Variants in CNTNAP2 observed in about 807,000 individuals in gnomAD.
CNTNAP2 encodes the protein contactin associated protein 2, also known as contactin-associated protein-like 2.
In CNTNAP2, 98 loss-of-function variants were observed where a neutral mutation model predicts 155.2. That is an observed-to-expected ratio of 0.63 (90% confidence interval 0.54 to 0.75). The LOEUF (loss-of-function observed/expected upper bound fraction) is 0.75, where lower values mean the gene tolerates loss of function less well. Ranked by LOEUF, CNTNAP2 falls within the 30% of genes least tolerant of loss-of-function variation. The probability of loss-of-function intolerance (pLI) is 0.00; values close to 1 mark genes in which losing one functional copy is unlikely to be tolerated. For missense variants in CNTNAP2, 1,727 were observed against 1,688.1 expected, an observed-to-expected ratio of 1.02 and a Z score of -0.40; for synonymous variants, 651 against 631.2, an observed-to-expected ratio of 1.03 and a Z score of -0.47.
chr7:147,222,983 G>A (rs963913780), intron 8 of CNTNAP2, among the ~76,000 whole-genome samples: 5 of 152,058 alleles, frequency 3.3e-5, no homozygotes, highest in South Asian at 2.1e-4. Flanking sequence ...AGAACACAGC[G>A]TTCTGGCATA....
At chr7:148,011,448 TTAAGTA>T (rs1299338076) in intron 15 of CNTNAP2, among the ~76,000 whole-genome samples, 3 of 152,250 alleles carry the variant, frequency 2.0e-5, no homozygotes, top group Non-Finnish European at 4.4e-5. Context: ...TACAAGTGTC[TTAAGTA>T]TATTTGTTTT....
At chr7:147,757,904 A>C (rs1465882268) in intron 13 of CNTNAP2, among the ~76,000 whole-genome samples, 2 of 152,212 alleles carry the variant, frequency 1.3e-5, no homozygotes, top group Admixed American at 6.5e-5. Flanking sequence ...GTCTTTAGCT[A>C]TCTGTTCTTG....
chr7:146,280,042 C>A (rs1463101113), intron 1 of CNTNAP2, among the ~76,000 whole-genome samples: 1 of 152,004 alleles, frequency 6.6e-6, no homozygotes, highest in Non-Finnish European at 1.5e-5. Context: ...CCAACATGTT[C>A]AATTAGCAGT....
At chr7:147,057,878 A>G (rs1458701140) in intron 4 of CNTNAP2, among the ~76,000 whole-genome samples, 6 of 152,182 alleles carry the variant, frequency 3.9e-5, no homozygotes, top group African/African-American at 1.4e-4. Flanking sequence ...CTTCATATTG[A>G]TAAGGACAAT....
chr7:146,925,231 C>T (rs1419428981), intron 3 of CNTNAP2, among the ~76,000 whole-genome samples: 1 of 151,960 alleles, frequency 6.6e-6, no homozygotes, highest in Non-Finnish European at 1.5e-5. Flanking sequence ...GTAATTTTCC[C>T]ATCATATATA....
chr7:146,516,270 T>C (rs1329474029), intron 1 of CNTNAP2, among the ~76,000 whole-genome samples: 1 of 152,006 alleles, frequency 6.6e-6, no homozygotes, highest in Non-Finnish European at 1.5e-5. Flanking sequence ...AGCCAACCAT[T>C]GTGTACAACC....
At chr7:148,331,170 G>C (rs1797996931) in intron 21 of CNTNAP2, among the ~76,000 whole-genome samples, 1 of 150,988 alleles carries the variant, frequency 6.6e-6, no homozygotes, top group African/African-American at 2.5e-5. Flanking sequence ...TGGACGGATG[G>C]AATGGATGGA....
chr7:148,253,055 T>TAGATAGATA (rs57134961), intron 20 of CNTNAP2, among the ~76,000 whole-genome samples: 1,479 of 138,626 alleles, frequency 0.011, 5 homozygotes, highest in Middle Eastern at 0.021. Context: ...GATAGACAGA[T>TAGATAGATA]GATAGATAGA....
At chr7:147,134,049 T>G (rs1801430348) in intron 8 of CNTNAP2, among the ~76,000 whole-genome samples, 1 of 152,012 alleles carries the variant, frequency 6.6e-6, no homozygotes, top group Non-Finnish European at 1.5e-5. Context: ...TCCCACATTA[T>G]ATTGTTATGA....
At chr7:147,173,668 T>A (rs1802277781) in intron 8 of CNTNAP2, among the ~76,000 whole-genome samples, 2 of 152,180 alleles carry the variant, frequency 1.3e-5, no homozygotes, top group South Asian at 4.1e-4. Context: ...ACCTGGTGGA[T>A]GCTGATATTC....
chr7:148,169,501 G>A (rs548304738), intron 17 of CNTNAP2, among the ~76,000 whole-genome samples: 2 of 152,148 alleles, frequency 1.3e-5, no homozygotes, highest in East Asian at 3.8e-4. Flanking sequence ...AGTGTGCAAA[G>A]GTTTTCATAA....
At chr7:146,612,585 A>G (rs1030537302) in intron 1 of CNTNAP2, among the ~76,000 whole-genome samples, 8 of 151,874 alleles carry the variant, frequency 5.3e-5, no homozygotes, top group African/African-American at 1.9e-4. Context: ...AAGATGTAGA[A>G]CTCCAAGAGA....
At chr7:146,881,178 G>C (rs978735695) in intron 3 of CNTNAP2, among the ~76,000 whole-genome samples, 2 of 152,044 alleles carry the variant, frequency 1.3e-5, no homozygotes, top group South Asian at 2.1e-4. Flanking sequence ...TTCCACACAC[G>C]TTACTCTAGA....
At chr7:147,816,707 A>G (rs1214440684) in intron 13 of CNTNAP2, among the ~76,000 whole-genome samples, 1 of 151,968 alleles carries the variant, frequency 6.6e-6, no homozygotes, top group Admixed American at 6.6e-5. Context: ...TTTTTCAGTA[A>G]TCAAAATAAT....
At chr7:147,761,644 A>G (rs1797299974) in intron 13 of CNTNAP2, among the ~76,000 whole-genome samples, 1 of 152,194 alleles carries the variant, frequency 6.6e-6, no homozygotes, top group South Asian at 2.1e-4. Flanking sequence ...ATATAACTTC[A>G]TGGGGAATAT....
chr7:147,362,014 G>C (rs1458277372), intron 9 of CNTNAP2, among the ~76,000 whole-genome samples: 1 of 152,186 alleles, frequency 6.6e-6, no homozygotes, highest in Non-Finnish European at 1.5e-5. Context: ...CATTCGGCTG[G>C]AACAGTGGGC....
intron 1 of CNTNAP2, among the ~76,000 whole-genome samples, chr7:146,381,114 C>T (rs1357894379): frequency 6.6e-6 from 1 of 152,054 alleles, no homozygotes; most frequent in East Asian, 1.9e-4. Context: ...TTCTTATATA[C>T]TCACCTCCCA....
At chr7:146,281,820 T>C (rs1333738726) in intron 1 of CNTNAP2, among the ~76,000 whole-genome samples, 1 of 152,108 alleles carries the variant, frequency 6.6e-6, no homozygotes, top group Non-Finnish European at 1.5e-5. Flanking sequence ...ACTTAATTTC[T>C]TTAGGTTTCC....
intron 1 of CNTNAP2, among the ~76,000 whole-genome samples, chr7:146,553,476 G>C (rs1405931891): frequency 1.3e-5 from 2 of 151,920 alleles, no homozygotes; most frequent in Non-Finnish European, 2.9e-5. Context: ...AAATAAAATA[G>C]ATAAGTGTTT....
Sources: gnomAD v4.1 joint callset for allele counts (sites outside exome capture counted in the v4.1 genomes callset) on GRCh38, gnomAD v4.1.1 for gene constraint, MANE v1.5 for transcripts, NCBI Gene and HGNC (gene_info 2026-07-23, HGNC 2026-07-21) for gene names.